GNG12: variants seen among roughly 807,000 people sequenced by gnomAD.
GNG12 encodes guanine nucleotide-binding protein G(I)/G(S)/G(O) subunit gamma-12.
For missense variants in GNG12, 69 were observed against 83.8 expected (o/e 0.82, Z 0.69); for synonymous variants, 28 against 29.7 (o/e 0.94, Z 0.19).
chr1:67,777,301 G>C (rs1032129976), intron 2 of GNG12, 157 bp downstream of exon 2: 1 of 152,704 alleles, frequency 6.5e-6, no homozygotes, highest in African/African-American at 2.4e-5. Flanking sequence ...GTTTTTTTAA[G>C]GCATGGAAAC....
chr1:67,720,725 A>G (rs1646352020), intron 2 of GNG12, among the ~76,000 whole-genome samples: 1 of 152,216 alleles, frequency 6.6e-6, no homozygotes, highest in Admixed American at 6.5e-5. Context: ...TACATGAGCA[A>G]ATAATTTAAA....
chr1:67,706,814 C>T (rs865835063), intron 3 of GNG12, among the ~76,000 whole-genome samples: 12 of 152,054 alleles, frequency 7.9e-5, no homozygotes, highest in African/African-American at 2.7e-4. Flanking sequence ...CGCACGCCAC[C>T]GTGCCTGGCT....
At chr1:67,775,464 A>G (rs1256278178) in intron 2 of GNG12, among the ~76,000 whole-genome samples, 1 of 152,254 alleles carries the variant, frequency 6.6e-6, no homozygotes, top group Non-Finnish European at 1.5e-5. Flanking sequence ...TCTACCCCAG[A>G]CCTAATGAAT....
rs137921868 is a variant in GNG12 at position 67,761,623 on chromosome 1, C to A, written c.-27+15835G>T. On this transcript the variant is annotated intron_variant, in intron 2 of 3. Transcript: ENST00000370982. The stretch of plus-strand genomic sequence containing the variant: ...TCTACAAAGCCTGCAAGGTCAAGTG[C>A]AGGTCGACTTGGCTCTTTGGTTTTA... Among the ~76,000 whole-genome samples, 786 of 152,276 alleles carry A rather than the reference C, an allele frequency of 5.2e-3. 7 individuals carry two copies. Among genetic ancestry groups the A allele is most frequent in the African/African-American group, 0.018 (749 of 41,542 alleles).
In GNG12 at chr1:67,777,487, C is replaced by T; in HGVS notation, c.-56G>A. ...AAGACTTTGTGTGGTCCAATGTTTT[C>T]AGGTTTTAAGTGGAATGAATCTGAA... On this transcript the variant is annotated 5_prime_UTR_variant, in exon 2 of 4. Transcript: ENST00000370982. 4.4e-6 allele frequency: 4 copies of T among 915,652 alleles called. No individual in the cohort carries two copies. Among genetic ancestry groups the T allele is most frequent in the Non-Finnish European group, 5.2e-6 (4 of 766,252 alleles). The allele number at this position is 915,652 out of a possible 1,614,324, so 56.7% of individuals were successfully genotyped here.
chr1:67,717,365 A>G (rs187013339), intron 2 of GNG12, among the ~76,000 whole-genome samples: 41 of 152,130 alleles, frequency 2.7e-4, no homozygotes, highest in African/African-American at 7.7e-4. Flanking sequence ...AAAAAGGAAA[A>G]ATCAGCCGGG....
At chr1:67,710,498 A>G (rs936488635) in intron 2 of GNG12, among the ~76,000 whole-genome samples, 9 of 151,940 alleles carry the variant, frequency 5.9e-5, no homozygotes, top group Non-Finnish European at 1.3e-4. Context: ...CAGTTCACAC[A>G]TATCAGGACT....
intron 1 of GNG12, among the ~76,000 whole-genome samples, chr1:67,780,284 T>C (rs1646730301): frequency 6.6e-6 from 1 of 152,182 alleles, no homozygotes. Flanking sequence ...TAAGGTTACA[T>C]GGCTTGTAAG....
At chr1:67,775,470 T>A (rs1323357771) in intron 2 of GNG12, among the ~76,000 whole-genome samples, 1 of 152,256 alleles carries the variant, frequency 6.6e-6, no homozygotes, top group Non-Finnish European at 1.5e-5. Context: ...CCAGACCTAA[T>A]GAATATAGAT....
chr1:67,801,634 G>T (rs1646866248), intron 1 of GNG12, among the ~76,000 whole-genome samples: 1 of 152,162 alleles, frequency 6.6e-6, no homozygotes. Context: ...AAAAGGAAGA[G>T]GAGAGAGCAA....
rs144519463 is a variant in GNG12, at chr1:67,716,002, C to T, written c.-26-8290G>A. On this transcript the variant is annotated intron_variant, in intron 2 of 3. Transcript: ENST00000370982. ...GGTTATGAGGCCAGGGTGCTTGAAC[C>T]TGCGGTCAGCTGCAAGTGCTGCCCT... is the stretch of plus-strand genomic sequence containing the variant. 7.8e-3 allele frequency among the ~76,000 whole-genome samples: 1,191 copies of T among 152,256 alleles called. 7 individuals are homozygous for T. Among genetic ancestry groups the T allele is most frequent in the Middle Eastern group, 0.034 (10 of 294 alleles).
At chr1:67,745,527 A>G (rs987901516) in intron 2 of GNG12, among the ~76,000 whole-genome samples, 2 of 152,198 alleles carry the variant, frequency 1.3e-5, no homozygotes, top group African/African-American at 4.8e-5. Context: ...TACGAATTTT[A>G]TAACTTTGGA....
At chr1:67,729,217 C>T (rs1361783531) in intron 2 of GNG12, among the ~76,000 whole-genome samples, 1 of 152,168 alleles carries the variant, frequency 6.6e-6, no homozygotes, top group Non-Finnish European at 1.5e-5. Flanking sequence ...TTTGTCATCT[C>T]TCCTCTCATC....
intron 2 of GNG12, among the ~76,000 whole-genome samples, chr1:67,712,761 G>C (rs1176756627): frequency 2.0e-5 from 3 of 150,924 alleles, no homozygotes; most frequent in African/African-American, 7.3e-5. Flanking sequence ...CTGCGCCAAG[G>C]AAAGGATTAA....
chr1:67,791,180 T>C (rs200418881), intron 1 of GNG12, among the ~76,000 whole-genome samples: 4 of 11,510 alleles, frequency 3.5e-4, no homozygotes, highest in Non-Finnish European at 7.4e-4. Flanking sequence ...ATTGTGGATA[T>C]GATGATGTAA....
At chr1:67,708,365 G>A (rs1646262125) in intron 2 of GNG12, among the ~76,000 whole-genome samples, 1 of 152,172 alleles carries the variant, frequency 6.6e-6, no homozygotes, top group African/African-American at 2.4e-5. Flanking sequence ...TGTCAGGTGG[G>A]ATATATGAGT....
intron 1 of GNG12, among the ~76,000 whole-genome samples, chr1:67,779,151 T>C (rs1489319715): frequency 2.0e-5 from 3 of 152,208 alleles, no homozygotes; most frequent in East Asian, 3.8e-4. Context: ...GATATCCCTA[T>C]ATCTGTCTCA....
At chr1:67,770,264 A>G (rs933939992) in intron 2 of GNG12, among the ~76,000 whole-genome samples, 5 of 152,212 alleles carry the variant, frequency 3.3e-5, no homozygotes, top group Admixed American at 3.3e-4. Flanking sequence ...TCTGATTCCT[A>G]CGGTTTCCAA....
At chr1:67,797,923 G>A (rs1646841737) in intron 1 of GNG12, among the ~76,000 whole-genome samples, 1 of 152,162 alleles carries the variant, frequency 6.6e-6, no homozygotes, top group Non-Finnish European at 1.5e-5. Context: ...ACCACTGGAT[G>A]ACCACGGTGG....
Sources: allele counts gnomAD v4.1 joint callset (sites outside exome capture counted in the v4.1 genomes callset), GRCh38; gene constraint gnomAD v4.1.1; transcripts MANE v1.5; gene names NCBI Gene and HGNC (gene_info 2026-07-23, HGNC 2026-07-21).